VASH2: variants seen among roughly 807,000 people sequenced by gnomAD.
VASH2 encodes the protein tubulinyl-Tyr carboxypeptidase 2.
In VASH2, 28 loss-of-function variants were observed where a neutral mutation model predicts 37.2. The ratio of observed to expected loss-of-function variants is 0.75; its 90% confidence interval spans 0.56 to 1.03. The LOEUF (loss-of-function observed/expected upper bound fraction) is 1.03, where lower values mean the gene tolerates loss of function less well. Among genes scored for constraint, VASH2 ranks in the 50% least tolerant of loss-of-function variants. The probability of loss-of-function intolerance (pLI) is 0.00; values close to 1 mark genes in which losing one functional copy is unlikely to be tolerated. For synonymous variants in VASH2, 188 were observed against 174.7 expected (o/e 1.08, Z -0.60); for missense variants, 419 against 459.1 (o/e 0.91, Z 0.80).
At chr1:212,957,618 T>A (rs1572058403) in intron 2 of VASH2, among the ~76,000 whole-genome samples, 1 of 95,468 alleles carries the variant, frequency 1.0e-5, no homozygotes, top group South Asian at 3.1e-4. Context: ...CAGCTTACAC[T>A]TTTTTTTTTT....
intron 7 of VASH2, among the ~76,000 whole-genome samples, chr1:212,981,271 A>G (rs561294601): frequency 6.6e-6 from 1 of 152,194 alleles, no homozygotes; most frequent in Non-Finnish European, 1.5e-5. Context: ...TTACATAGCA[A>G]CATCAGCTGT....
chr1:212,964,922 GTTT>G (rs754917916), intron 3 of VASH2, among the ~76,000 whole-genome samples: 1 of 138,052 alleles, frequency 7.2e-6, no homozygotes. Flanking sequence ...TTTCTGCCAG[GTTT>G]TTTTTTTTTT....
At chr1:212,988,403 G>T in intron 7 of VASH2, 109 bp from the exon 8 acceptor site, 1 of 1,136,906 alleles carries the variant, frequency 8.8e-7, no homozygotes, top group Non-Finnish European at 1.3e-6. Flanking sequence ...GGGAGGATGA[G>T]ACAAATATCA....
At chr1:212,964,531 A>G (rs927735845) in intron 3 of VASH2, among the ~76,000 whole-genome samples, 6 of 152,242 alleles carry the variant, frequency 3.9e-5, no homozygotes, top group Non-Finnish European at 8.8e-5. Context: ...AGAGCACGGC[A>G]TCAGGGAACT....
intron 2 of VASH2, among the ~76,000 whole-genome samples, chr1:212,954,142 G>A (rs1467205395): frequency 6.6e-6 from 1 of 152,126 alleles, no homozygotes; most frequent in African/African-American, 2.4e-5. Context: ...CAAACTTCTA[G>A]GCTCGAGCGA....
At chr1:212,974,735 A>T (rs1442310388) in intron 7 of VASH2, 2 of 152,230 alleles carry the variant, frequency 1.3e-5, no homozygotes, top group African/African-American at 4.8e-5. Flanking sequence ...CCATCCTGGG[A>T]AAAAATACTG....
chr1:212,960,476 G>T (rs543243402), intron 2 of VASH2, among the ~76,000 whole-genome samples: 4 of 152,226 alleles, frequency 2.6e-5, no homozygotes, highest in Non-Finnish European at 4.4e-5. Flanking sequence ...CACACTGGGC[G>T]TTGCAGGGAG....
chr1:212,963,746 A>G (rs1666752925), intron 3 of VASH2, among the ~76,000 whole-genome samples: 1 of 152,140 alleles, frequency 6.6e-6, no homozygotes, highest in Admixed American at 6.5e-5. Context: ...TAAGGAACTG[A>G]AAGAAGATGT....
Position 212,966,334 on chromosome 1 carries a change from C to T in VASH2, c.486C>T (p.Val162=), listed in dbSNP as rs1363552888. The change falls in exon 5 of 8, where the codon GTC becomes GTT. Residue 162 remains valine (V), a synonymous_variant. Coordinates refer to ENST00000517399, the MANE Select transcript of VASH2 (RefSeq NM_001301056.2). The part of the protein sequence containing the change: ...ESLPIKCLEA[V]ILGIYLTNGQ... ...TGCCTATCAAATGCCTTGAAGCTGT[C>T]ATCCTGGGCATGTATCCTTTAAGTT... The T allele has an allele frequency of 1.3e-6, 2 of 1,551,650 alleles. No individual in the cohort carries two copies. Among genetic ancestry groups the T allele is most frequent in the East Asian group, 4.9e-5 (2 of 40,928 alleles).
intron 2 of VASH2, among the ~76,000 whole-genome samples, chr1:212,960,047 C>T (rs926853137): frequency 2.0e-5 from 3 of 152,130 alleles, no homozygotes; most frequent in African/African-American, 4.8e-5. Flanking sequence ...TGAAATAAAG[C>T]GAAAAACAAA....
At position 212,988,812 on chromosome 1, in the gene VASH2, C is replaced by T. The variant is rs375274264; in HGVS notation, c.*228C>T. The T allele has an allele frequency of 3.3e-4, 175 of 522,570 alleles. No individual in the cohort carries two copies. The East Asian group carries it at 4.3e-3, about 13-fold the overall frequency. 32.4% of individuals were successfully genotyped at this position (522,570 alleles called of 1,614,324 possible). ...AAGCCCCACTGGGGTTGGACTATGT[C>T]CCTCACTCAAGATCTTAAGGATAAC... On this transcript the variant is annotated 3_prime_UTR_variant, in exon 8 of 8. Coordinates refer to ENST00000517399, the MANE Select transcript of VASH2 (RefSeq NM_001301056.2).
At chr1:212,959,808 C>T (rs1289313821) in intron 2 of VASH2, among the ~76,000 whole-genome samples, 1 of 152,246 alleles carries the variant, frequency 6.6e-6, no homozygotes, top group Admixed American at 6.5e-5. Context: ...AGTCCCCTTC[C>T]ATCAGCGGAG....
intron 7 of VASH2, among the ~76,000 whole-genome samples, chr1:212,979,331 G>A (rs1049313987): frequency 6.6e-6 from 1 of 152,224 alleles, no homozygotes; most frequent in African/African-American, 2.4e-5. Flanking sequence ...GAATCTTACT[G>A]TAAGATGGCC....
Position 212,951,906 on chromosome 1 carries a change from A to C in VASH2, c.276+88A>C. 1 of 1,424,782 alleles carries C rather than the reference A, an allele frequency of 7.0e-7. No homozygotes were observed. Among genetic ancestry groups the C allele is most frequent in the South Asian group, 1.4e-5 (1 of 74,038 alleles). The allele number at this position is 1,424,782 out of a possible 1,614,324, so 88.3% of individuals were successfully genotyped here. A position where few individuals can be genotyped will look rare whatever the true frequency, so the allele number is the denominator to read the frequency against. The stretch of plus-strand genomic sequence containing the variant: ...CAGCCTATACATAGCAAACACAGGC[A>C]ATCTCCATTTTCCTAGTCCTGCTAC... On this transcript the variant is annotated intron_variant, in intron 2 of 7. Transcript: ENST00000517399. This position sits in a 1 kb window ranked among gnomAD's most constrained non-coding sequence, Gnocchi z 4.4.
intron 7 of VASH2, among the ~76,000 whole-genome samples, chr1:212,986,805 T>G (rs1317875429): frequency 1.3e-5 from 2 of 152,062 alleles, no homozygotes; most frequent in Non-Finnish European, 2.9e-5. Flanking sequence ...TAGCATCATG[T>G]GTATGACCCA....
intron 7 of VASH2, among the ~76,000 whole-genome samples, chr1:212,980,005 G>A (rs1241735969): frequency 1.3e-5 from 2 of 152,198 alleles, no homozygotes; most frequent in African/African-American, 4.8e-5. Flanking sequence ...GGTTAGAAGT[G>A]TGGTGGGAGG....
chr1:212,966,422 T>C (rs942330848), intron 5 of VASH2, 77 bp downstream of exon 5: 24 of 1,231,496 alleles, frequency 1.9e-5, no homozygotes, highest in South Asian at 1.3e-4. Context: ...GCCTTTAACA[T>C]TGTAAATTCT....
At chr1:212,952,836 A>G (rs1666363999) in intron 2 of VASH2, 1 of 152,220 alleles carries the variant, frequency 6.6e-6, no homozygotes, top group Admixed American at 6.5e-5. Context: ...ACAGCTGAGC[A>G]TCTGAGCCTG....
chr1:212,988,876 C>T lies in VASH2; in HGVS notation c.*292C>T, dbSNP rs1049702255. 6 of 344,746 alleles carry T rather than the reference C, an allele frequency of 1.7e-5. No individual in the cohort carries two copies. Among genetic ancestry groups the T allele is most frequent in the Non-Finnish European group, 2.8e-5 (5 of 179,708 alleles). The allele number at this position is 344,746 out of a possible 1,614,324, so 21.4% of individuals were successfully genotyped here. A position where few individuals can be genotyped will look rare whatever the true frequency, so the allele number is the denominator to read the frequency against. On this transcript the variant is annotated 3_prime_UTR_variant, in exon 8 of 8. Coordinates refer to ENST00000517399, the MANE Select transcript of VASH2 (RefSeq NM_001301056.2). ...TTATATTTTTCCATTTACCTACTTT[C>T]TTTTACTTGCTTTGAACATTATGCC... is the stretch of plus-strand genomic sequence containing the variant.
Sources: gnomAD v4.1 joint callset for allele counts (sites outside exome capture counted in the v4.1 genomes callset) on GRCh38, gnomAD v4.1.1 for gene constraint, Gnocchi (gnomAD v3.1) non-coding constraint, MANE v1.5 for transcripts, NCBI Gene and HGNC (gene_info 2026-07-23, HGNC 2026-07-21) for gene names.